Variants in PHKB observed in about 807,000 individuals in gnomAD.
PHKB encodes the protein phosphorylase kinase regulatory subunit beta.
A neutral mutation model predicts 152.1 loss-of-function variants in PHKB; 122 were observed. The ratio of observed to expected loss-of-function variants is 0.80; its 90% CI spans 0.69 to 0.93. The LOEUF (loss-of-function observed/expected upper bound fraction) is 0.93. Among genes scored for constraint, PHKB ranks in the 40% least tolerant of loss-of-function variants. The probability of loss-of-function intolerance (pLI) is 0.00; values close to 1 mark genes in which losing one functional copy is unlikely to be tolerated. For missense variants in PHKB, 1,304 were observed against 1,328.4 expected, an observed-to-expected ratio of 0.98 and a Z score of 0.29; for synonymous variants, 436 against 464.9, an observed-to-expected ratio of 0.94 and a Z score of 0.80.
At chr16:47,568,602 G>C (rs961669438) in intron 7 of PHKB, among the ~76,000 whole-genome samples, 14 of 151,956 alleles carry the variant, frequency 9.2e-5, no homozygotes, top group African/African-American at 3.4e-4. Flanking sequence ...GGTTTCTTGA[G>C]GTGTGACATT....
At chr16:47,666,547 G>T (rs897111495) in intron 25 of PHKB, among the ~76,000 whole-genome samples, 3 of 152,196 alleles carry the variant, frequency 2.0e-5, no homozygotes, top group Non-Finnish European at 4.4e-5. Context: ...TCCTCACGGA[G>T]CCATCTCCAG....
At chr16:47,638,497 T>C (rs957808388) in intron 14 of PHKB, among the ~76,000 whole-genome samples, 1 of 152,158 alleles carries the variant, frequency 6.6e-6, no homozygotes, top group African/African-American at 2.4e-5. Context: ...TCTGCAGAAA[T>C]GAAAAATTGG....
intron 8 of PHKB, 110 bp from the exon 9 acceptor site, chr16:47,587,558 C>T (rs963074460): frequency 1.4e-6 from 1 of 740,462 alleles, no homozygotes; most frequent in East Asian, 2.6e-5. Flanking sequence ...ACTCCACACT[C>T]AAGATGCAGA....
At chr16:47,557,036 T>G (rs1971384706) in intron 7 of PHKB, among the ~76,000 whole-genome samples, 1 of 152,048 alleles carries the variant, frequency 6.6e-6, no homozygotes, top group Admixed American at 6.6e-5. Context: ...ATTTCAGAAA[T>G]ATAGATCAAT....
intron 6 of PHKB, among the ~76,000 whole-genome samples, chr16:47,525,475 A>T (rs1250526673): frequency 1.3e-5 from 2 of 152,186 alleles, no homozygotes; most frequent in African/African-American, 4.8e-5. Flanking sequence ...AGAGATGATG[A>T]CTGTCAATCT....
At position 47,461,374 on chromosome 16, in the gene PHKB, G is replaced by A. The variant is rs1597001219; in HGVS notation, c.24G>A (p.Thr8=). MAGAAGL[T]AEVSWKVLER... ...CGATGGCGGGGGCGGCGGGACTCAC[G>A]GCAGAAGTGAGCTGGAAGGTCTTGG... The change falls in exon 1 of 31, where the codon ACG becomes ACA. Residue 8 remains threonine (T), a synonymous_variant. Coordinates refer to ENST00000323584, the MANE Select transcript of PHKB (RefSeq NM_000293.3). The A allele has an allele frequency of 6.2e-7, 1 of 1,612,396 alleles. No homozygotes were observed.
intron 10 of PHKB, among the ~76,000 whole-genome samples, chr16:47,589,394 C>T (rs1971989953): frequency 6.6e-6 from 1 of 152,186 alleles, no homozygotes; most frequent in African/African-American, 2.4e-5. Context: ...GAGGTATTTA[C>T]TGATAATGGG....
chr16:47,510,865 T>C (rs1970498706), intron 4 of PHKB, among the ~76,000 whole-genome samples: 1 of 152,236 alleles, frequency 6.6e-6, no homozygotes, highest in Admixed American at 6.5e-5. Context: ...TTATTGCATT[T>C]ACCTAGAGGT....
chr16:47,566,652 T>C, intron 7 of PHKB: 2 of 973,440 alleles, frequency 2.1e-6, no homozygotes, highest in South Asian at 2.5e-5. Context: ...GATATTGGGT[T>C]CCCAAGCAGC....
At chr16:47,573,597 C>A (rs1410284315) in intron 7 of PHKB, among the ~76,000 whole-genome samples, 1 of 152,196 alleles carries the variant, frequency 6.6e-6, no homozygotes, top group Non-Finnish European at 1.5e-5. Context: ...CTGCCCTCAG[C>A]ATGCAAAACT....
intron 14 of PHKB, among the ~76,000 whole-genome samples, chr16:47,640,777 C>T (rs1469693274): frequency 6.6e-6 from 1 of 152,030 alleles, no homozygotes. Flanking sequence ...TCAAAATAGC[C>T]CTGACAGGCT....
chr16:47,521,941 A>G (rs1393781902), intron 6 of PHKB, among the ~76,000 whole-genome samples: 3 of 152,120 alleles, frequency 2.0e-5, no homozygotes, highest in Non-Finnish European at 4.4e-5. Context: ...TCCTTTTTAA[A>G]TGTCACTGCA....
chr16:47,698,934 T>G (rs1309582487), intron 30 of PHKB, among the ~76,000 whole-genome samples: 1 of 152,154 alleles, frequency 6.6e-6, no homozygotes, highest in Non-Finnish European at 1.5e-5. Context: ...GCTACGTTGG[T>G]GCTGCGTACT....
chr16:47,471,780 T>G (rs1969772401), intron 1 of PHKB, among the ~76,000 whole-genome samples: 1 of 152,160 alleles, frequency 6.6e-6, no homozygotes, highest in African/African-American at 2.4e-5. Context: ...GGTAGGTAGG[T>G]TCTAATGCAT....
intron 12 of PHKB, among the ~76,000 whole-genome samples, chr16:47,594,680 C>T (rs902619472): frequency 6.6e-6 from 1 of 152,102 alleles, no homozygotes; most frequent in African/African-American, 2.4e-5. Flanking sequence ...GCTAAAACAT[C>T]GTCCTTTGAG....
chr16:47,611,568 T>C lies in PHKB; in HGVS notation c.1458+648T>C, dbSNP rs148544797. Reference sequence around the variant, plus strand: ...CATGTGTGCCTGGGATTCTAAGCAGTTAACATGCATTTAATAAGATTGGTA... The same window carrying C: ...CATGTGTGCCTGGGATTCTAAGCAGCTAACATGCATTTAATAAGATTGGTA... On this transcript the variant is annotated intron_variant, in intron 14 of 30. Transcript: ENST00000323584. Among the ~76,000 whole-genome samples the C allele has an allele frequency of 1.4e-4, 22 of 152,250 alleles. No individual in the cohort carries two copies. In the East Asian group the frequency reaches 4.2e-3, roughly 29 times the overall value.
chr16:47,556,195 A>G (rs1297692388), intron 7 of PHKB, among the ~76,000 whole-genome samples: 1 of 152,226 alleles, frequency 6.6e-6, no homozygotes, highest in Non-Finnish European at 1.5e-5. Flanking sequence ...TTCTAGATAT[A>G]CAATCATGTC....
chr16:47,513,141 G>T (rs546536225), intron 5 of PHKB, among the ~76,000 whole-genome samples: 2 of 152,284 alleles, frequency 1.3e-5, no homozygotes, highest in South Asian at 4.1e-4. Flanking sequence ...CTCAGTGCTT[G>T]GCACATAGTT....
intron 27 of PHKB, 67 bp downstream of exon 27, chr16:47,689,242 G>C (rs1024514897): frequency 6.0e-6 from 9 of 1,496,704 alleles, no homozygotes; most frequent in Admixed American, 5.0e-5. Flanking sequence ...TTTTTAGCTT[G>C]ATATATCTAT....
Sources: gnomAD v4.1 joint callset for allele counts (sites outside exome capture counted in the v4.1 genomes callset) on GRCh38, gnomAD v4.1.1 for gene constraint, MANE v1.5 for transcripts, NCBI Gene and HGNC (gene_info 2026-07-23, HGNC 2026-07-21) for gene names.